KARS1: variants seen among roughly 807,000 people sequenced by gnomAD.
KARS1 encodes the protein lysyl-tRNA synthetase 1, also known as lysine--tRNA ligase.
KARS1 carries 50 observed loss-of-function variants against 63.9 expected under a neutral mutation model. The ratio of observed to expected loss-of-function variants is 0.78; its 90% CI spans 0.62 to 0.99. KARS1 has a LOEUF of 0.99. KARS1 is among the 50% of genes least tolerant of loss of function. KARS1 has a pLI of 0.00. For missense variants in KARS1, 816 were observed against 754.5 expected (o/e 1.08, Z -0.95); for synonymous variants, 320 against 264.6 (o/e 1.21, Z -2.03).
At chr16:75,646,763 C>T (rs1396965727) in intron 1 of KARS1, among the ~76,000 whole-genome samples, 3 of 151,740 alleles carry the variant, frequency 2.0e-5, no homozygotes, top group Non-Finnish European at 4.4e-5. Flanking sequence ...TCTCCTGCCT[C>T]AGTCTCCCGA....
intron 1 of KARS1, among the ~76,000 whole-genome samples, chr16:75,646,933 A>T (rs2082292590): frequency 6.6e-6 from 1 of 152,154 alleles, no homozygotes; most frequent in Admixed American, 6.5e-5. Flanking sequence ...CAGCCAGTTA[A>T]AGGGTGGCTA....
At chr16:75,639,083 G>A (rs1256994439) in intron 3 of KARS1, among the ~76,000 whole-genome samples, 2 of 152,084 alleles carry the variant, frequency 1.3e-5, no homozygotes, top group Non-Finnish European at 2.9e-5. Flanking sequence ...CAGGAGAATC[G>A]CTTGAACCCG....
intron 2 of KARS1, 92 bp from the exon 3 acceptor site, chr16:75,640,441 A>G: frequency 8.6e-7 from 1 of 1,159,772 alleles, no homozygotes; most frequent in Non-Finnish European, 1.3e-6. Flanking sequence ...TCTGCCCCCG[A>G]GTGACCCCAA....
Position 75,629,494 on chromosome 16 carries a change from A to T in KARS1, c.1472T>A (p.Met491Lys). The T allele has an allele frequency of 6.2e-7, 1 of 1,614,218 alleles. No individual in the cohort carries two copies. The highest frequency in any genetic ancestry group is 8.5e-7 in the Non-Finnish European group (1 of 1,180,028). The stretch of plus-strand genomic sequence containing the variant: ...ATACGCATTGCATATCTCTTTCTTC[A>T]TGACAAACAGCTCAAAGCGCTCAGT... ...GLTERFELFV[M>K]KKEICNAYTE... The change falls in exon 12 of 14, where the codon ATG (methionine) becomes AAG (lysine). Residue 491 changes from methionine (M) to lysine (K), a missense_variant. Physicochemically the swap from Met to Lys is moderately conservative, Grantham distance 95 (BLOSUM62 -1). Transcript: ENST00000302445.
In KARS1 at chr16:75,631,247, C is replaced by A. The variant is rs201574004; in HGVS notation, c.1259G>T (p.Arg420Leu). The A allele has an allele frequency of 6.2e-7, 1 of 1,613,736 alleles. No homozygotes were observed. Among genetic ancestry groups the A allele is most frequent in the Non-Finnish European group, 8.5e-7 (1 of 1,179,820 alleles). ...CACACAGATATCATCAAGAATTTTG[C>A]GAGTTTCTGGGACACAAATGCAAAA... ...ETNLFETEET[R>L]KILDDICVAK... Residue 420 changes from arginine (R) to leucine (L), a missense_variant, in exon 10 of 14, where the codon CGC (arginine) becomes CTC (leucine). By Grantham distance (102) the Arg-to-Leu change is moderately radical. Coordinates refer to ENST00000302445, the MANE Select transcript of KARS1 (RefSeq NM_005548.3).
chr16:75,647,328 C>CA, intron 1 of KARS1: 2 of 600,648 alleles, frequency 3.3e-6, no homozygotes, highest in Non-Finnish European at 5.9e-6. Context: ...GTTCCTCCTC[C>CA]ACAGTCTCTT....
rs747094575 is a variant in KARS1 at position 75,631,735 on chromosome 16, C to G, written c.1036G>C (p.Asp346His). The G allele has an allele frequency of 6.2e-7, 1 of 1,614,204 alleles. No individual in the cohort carries two copies. The highest frequency in any genetic ancestry group is 1.1e-5 in the South Asian group (1 of 91,080). The change falls in exon 8 of 14, where the codon GAC (aspartate) becomes CAC (histidine). Residue 346 changes from aspartate (D) to histidine (H), a missense_variant. By Grantham distance (81) the Asp-to-His change is moderately conservative. Coordinates refer to ENST00000302445, the MANE Select transcript of KARS1 (RefSeq NM_005548.3). ...GTGATTTCCATGAGATCGTGATAGT[C>G]TGCATAGGCCATGTAGAACTCACAG... ...TTCEFYMAYA[D>H]YHDLMEITEK...
In KARS1 at chr16:75,630,457, C is replaced by G. The variant is rs746812889; in HGVS notation, c.1390G>C (p.Asp464His). 1 of 1,611,754 alleles carries G rather than the reference C, an allele frequency of 6.2e-7. No homozygotes were observed. The highest frequency in any genetic ancestry group is 1.3e-5 in the African/African-American group (1 of 74,866). ...AAAGGGCTCATTATCTGTGGGTGAT[C>G]ACAGATGAATGTAGGATTGATGCAA... ...VTCINPTFIC[D>H]HPQIMSPLAK... is the part of the protein sequence containing the mutation. The change falls in exon 11 of 14, where the codon GAT becomes CAT. Residue 464 changes from aspartate to histidine, a missense_variant. Coordinates refer to ENST00000302445, the MANE Select transcript of KARS1 (RefSeq NM_005548.3).
intron 10 of KARS1, among the ~76,000 whole-genome samples, chr16:75,630,888 GC>G (rs1336714893): frequency 6.6e-6 from 1 of 152,138 alleles, no homozygotes; most frequent in African/African-American, 2.4e-5. Flanking sequence ...ATCTGCCTCG[GC>G]CTCCTGAAGT....
At chr16:75,628,807 C>T in intron 12 of KARS1, 95 bp from the exon 13 acceptor site, 3 of 1,292,976 alleles carry the variant, frequency 2.3e-6, no homozygotes, top group Non-Finnish European at 3.4e-6. Flanking sequence ...GGAGTACCAT[C>T]ATTCCAGAGA....
intron 7 of KARS1, among the ~76,000 whole-genome samples, chr16:75,632,556 G>A (rs941833473): frequency 1.3e-5 from 2 of 152,190 alleles, no homozygotes; most frequent in Non-Finnish European, 2.9e-5. Context: ...GGTGAAGGGG[G>A]CCAGTCACAC....
rs200263848 is a variant in KARS1 at position 75,645,868 on chromosome 16, T to G, written c.62+1710A>C. The stretch of plus-strand genomic sequence containing the variant: ...CAAAAAAAAAAAAAAAAAAAAAAAG[T>G]CAGTAAAGAGGAATTAACCAGTTTT... On this transcript the variant is annotated intron_variant, in intron 1 of 13. Coordinates refer to ENST00000302445, the MANE Select transcript of KARS1 (RefSeq NM_005548.3). Among the ~76,000 whole-genome samples, 457 of 139,652 alleles carry G rather than the reference T, an allele frequency of 3.3e-3. 18 individuals carry two copies. In the East Asian group the frequency reaches 0.08, roughly 25 times the overall value. The allele number at this position is 139,652 out of a possible 152,430, so 91.6% of individuals were successfully genotyped here. A position where few individuals can be genotyped will look rare whatever the true frequency, so the allele number is the denominator to read the frequency against.
chr16:75,631,868 C>A lies in KARS1; in HGVS notation c.916-13G>T. ...CAACCACAAGCATCTAACAACAACACATGGCCACGGTCATGACAGCTAATC... is the reference window on the plus strand; with the variant it reads ...CAACCACAAGCATCTAACAACAACAAATGGCCACGGTCATGACAGCTAATC... On this transcript the variant is annotated splice_polypyrimidine_tract_variant and intron_variant, in intron 7 of 13. Transcript: ENST00000302445. 1.2e-6 allele frequency: 2 copies of A among 1,613,748 alleles called. No individual in the cohort carries two copies. Among genetic ancestry groups the A allele is most frequent in the Non-Finnish European group, 1.7e-6 (2 of 1,180,012 alleles).
intron 1 of KARS1, chr16:75,647,352 T>G: frequency 1.6e-6 from 1 of 634,804 alleles, no homozygotes; most frequent in Non-Finnish European, 2.8e-6. Context: ...TCTAGGAGTA[T>G]GATAGGGAGC....
chr16:75,628,437 G>A, intron 13 of KARS1, 132 bp downstream of exon 13: 1 of 1,051,628 alleles, frequency 9.5e-7, no homozygotes, highest in East Asian at 2.5e-5. Flanking sequence ...TGAGTGGCAT[G>A]GAACTCCTCT....
At position 75,631,521 on chromosome 16, in the gene KARS1, A is replaced by G; in HGVS notation, c.1147T>C (p.Tyr383His). The change falls in exon 9 of 14, where the codon TAC (tyrosine) becomes CAC (histidine). Residue 383 changes from tyrosine to histidine, a missense_variant. Transcript: ENST00000302445. ...YHPDGPEGQAYDVDFTPPFRR... is the reference protein window; with the variant it reads ...YHPDGPEGQAHDVDFTPPFRR... ...AAGGGTGGGGTGAAGTCAACATCGTAGGCTTGGCCCTCTGGGCCATCTGGG... is the reference window on the plus strand; with the variant it reads ...AAGGGTGGGGTGAAGTCAACATCGTGGGCTTGGCCCTCTGGGCCATCTGGG... 1.1e-5 allele frequency: 17 copies of G among 1,614,018 alleles called. No individual in the cohort carries two copies. Among genetic ancestry groups the G allele is most frequent in the Non-Finnish European group, 1.4e-5 (17 of 1,179,874 alleles).
At chr16:75,635,203 T>G in intron 6 of KARS1, 1 of 198,948 alleles carries the variant, frequency 5.0e-6, no homozygotes, top group Non-Finnish European at 1.1e-5. Flanking sequence ...ATATGTGCAC[T>G]CCATCTGCAA....
chr16:75,644,472 AAC>A, intron 1 of KARS1: 4 of 1,576,544 alleles, frequency 2.5e-6, no homozygotes, highest in South Asian at 2.3e-5. Context: ...CCTAGCGGGA[AAC>A]ACAGAGATGT....
intron 7 of KARS1, among the ~76,000 whole-genome samples, chr16:75,633,671 C>T (rs931717547): frequency 6.6e-6 from 1 of 152,142 alleles, no homozygotes; most frequent in African/African-American, 2.4e-5. Flanking sequence ...GCACATGCCA[C>T]CACGCCCAGC....
Sources: allele counts gnomAD v4.1 joint callset (sites outside exome capture counted in the v4.1 genomes callset), GRCh38; gene constraint gnomAD v4.1.1; transcripts MANE v1.5; gene names NCBI Gene and HGNC (gene_info 2026-07-23, HGNC 2026-07-21).